The following ATF7IP variants were observed in gnomAD, a reference collection of about 807,000 sequenced individuals.
The protein encoded by ATF7IP is activating transcription factor 7 interacting protein.
ATF7IP carries 23 observed loss-of-function variants against 106.4 expected under a neutral mutation model. The observed-to-expected ratio is 0.22, with a 90% confidence interval of 0.16 to 0.31. The LOEUF (loss-of-function observed/expected upper bound fraction) is 0.31. Among genes scored for constraint, ATF7IP ranks in the 10% least tolerant of loss-of-function variants. ATF7IP has a pLI of 1.00. For synonymous variants in ATF7IP, 542 were observed against 539.0 expected, an observed-to-expected ratio of 1.01 and a Z score of -0.08; for missense variants, 1,334 against 1,524.3, an observed-to-expected ratio of 0.88 and a Z score of 2.08.
In ATF7IP at chr12:14,424,622, C is replaced by G. The variant is rs1941738830; in HGVS notation, c.707C>G (p.Ser236Cys). Residue 236 changes from serine (S) to cysteine (C), a missense_variant, in exon 2 of 15, where the codon TCT becomes TGT. By Grantham distance (112) the Ser-to-Cys change is moderately radical. Transcript: ENST00000261168. ...GATATAGCCTCTAGTGAAATAACTTCTGTTGATCTGGCTTCTGGAGCACCA... is the reference window on the plus strand; with the variant it reads ...GATATAGCCTCTAGTGAAATAACTTGTGTTGATCTGGCTTCTGGAGCACCA... ...ADDIASSEIT[S>C]VDLASGAPAS... 1.2e-6 allele frequency: 2 copies of G among 1,614,180 alleles called. No individual in the cohort carries two copies. The highest frequency in any genetic ancestry group is 1.7e-6 in the Non-Finnish European group (2 of 1,180,024).
At chr12:14,469,362 CAAAAAAAAAAA>C in intron 10 of ATF7IP, among the ~76,000 whole-genome samples, 1 of 88,404 alleles carries the variant, frequency 1.1e-5, no homozygotes, top group Admixed American at 1.3e-4. Flanking sequence ...GAGACTGTCT[CAAAAAAAAAAA>C]AAAAAAAAAA....
chr12:14,490,331 C>T (rs896922531), intron 13 of ATF7IP, among the ~76,000 whole-genome samples: 1 of 152,220 alleles, frequency 6.6e-6, no homozygotes, highest in Admixed American at 6.5e-5. Flanking sequence ...TTTTTGACCA[C>T]TTAAAGAGGT....
chr12:14,410,271 A>G (rs73304268), intron 1 of ATF7IP, among the ~76,000 whole-genome samples: 343 of 152,264 alleles, frequency 2.3e-3, no homozygotes, highest in African/African-American at 7.5e-3. Flanking sequence ...TAAATAATTC[A>G]TAAGTTTTAA....
intron 1 of ATF7IP, among the ~76,000 whole-genome samples, chr12:14,409,091 A>T (rs1344161359): frequency 6.6e-6 from 1 of 152,042 alleles, no homozygotes; most frequent in East Asian, 1.9e-4. Flanking sequence ...TTTCCCTGAG[A>T]TTTGACAGAG....
intron 1 of ATF7IP, among the ~76,000 whole-genome samples, chr12:14,377,193 C>T (rs1938778281): frequency 6.6e-6 from 1 of 151,906 alleles, no homozygotes; most frequent in Non-Finnish European, 1.5e-5. Flanking sequence ...CGGGGTTTCA[C>T]CATGTTGGCC....
At chr12:14,468,818 A>G (rs1943931871) in intron 10 of ATF7IP, among the ~76,000 whole-genome samples, 1 of 152,200 alleles carries the variant, frequency 6.6e-6, no homozygotes, top group South Asian at 2.1e-4. Context: ...TATGCTTGTC[A>G]GCCAGAATTT....
intron 11 of ATF7IP, among the ~76,000 whole-genome samples, chr12:14,477,946 A>G (rs950127976): frequency 1.3e-5 from 2 of 152,248 alleles, no homozygotes; most frequent in Non-Finnish European, 1.5e-5. Flanking sequence ...TCAAGATCAC[A>G]GTGAAAACTC....
chr12:14,399,560 A>AT (rs1221504362), intron 1 of ATF7IP, among the ~76,000 whole-genome samples: 1 of 149,476 alleles, frequency 6.7e-6, no homozygotes, highest in African/African-American at 2.5e-5. Context: ...AAACTTGTAT[A>AT]TTTTTTCAGC....
In ATF7IP at chr12:14,436,121, G is replaced by A. The variant is rs779331911; in HGVS notation, c.1661G>A (p.Arg554Gln). The change falls in exon 4 of 15, where the codon CGA becomes CAA. Residue 554 changes from arginine (R) to glutamine (Q), a missense_variant. Physicochemically the swap from Arg to Gln is conservative, Grantham distance 43. Transcript: ENST00000261168. ...TCCTTCTCAGATGAATTTTCTAGAC[G>A]AAAACGTTCTAAATCAGAAGACATG... is the stretch of plus-strand genomic sequence containing the variant. ...RPSEKNEFSR[R>Q]KRSKSEDMDN... 3.7e-6 allele frequency: 6 copies of A among 1,612,384 alleles called. No homozygotes were observed. The highest frequency in any genetic ancestry group is 2.2e-5 in the South Asian group (2 of 90,836).
intron 13 of ATF7IP, among the ~76,000 whole-genome samples, chr12:14,486,854 A>G (rs909243961): frequency 3.9e-5 from 6 of 152,102 alleles, no homozygotes; most frequent in Middle Eastern, 3.4e-3. Flanking sequence ...TCTGACATAC[A>G]GAGACGAGCA....
intron 5 of ATF7IP, among the ~76,000 whole-genome samples, chr12:14,441,781 G>A (rs193232965): frequency 2.0e-4 from 30 of 152,008 alleles, no homozygotes; most frequent in Non-Finnish European, 3.4e-4. Flanking sequence ...GAGCCACCGC[G>A]CCCTGCCCAG....
chr12:14,413,073 T>A (rs2136506361), intron 1 of ATF7IP, among the ~76,000 whole-genome samples: 1 of 152,314 alleles, frequency 6.6e-6, no homozygotes, highest in South Asian at 2.1e-4. Flanking sequence ...TTCTCCTGGC[T>A]AGAACTTCTA....
intron 1 of ATF7IP, among the ~76,000 whole-genome samples, chr12:14,391,152 A>G (rs1198041525): frequency 6.6e-6 from 1 of 152,174 alleles, no homozygotes; most frequent in African/African-American, 2.4e-5. Context: ...AACTCTCACA[A>G]AGAGTTCTCT....
chr12:14,370,802 AAGT>A (rs930175278), intron 1 of ATF7IP, among the ~76,000 whole-genome samples: 3 of 152,110 alleles, frequency 2.0e-5, no homozygotes, highest in Admixed American at 2.0e-4. Context: ...GATGACATAA[AAGT>A]AGTATCAGTA....
chr12:14,368,546 C>T (rs2136388191), intron 1 of ATF7IP, among the ~76,000 whole-genome samples: 1 of 152,132 alleles, frequency 6.6e-6, no homozygotes, highest in East Asian at 1.9e-4. Flanking sequence ...TTGTACTATA[C>T]CTCAGAATAT....
At chr12:14,487,485 C>T (rs1944661354) in intron 13 of ATF7IP, among the ~76,000 whole-genome samples, 1 of 152,170 alleles carries the variant, frequency 6.6e-6, no homozygotes, top group African/African-American at 2.4e-5. Context: ...ACTGTTGCCT[C>T]ACATATCACA....
chr12:14,431,746 A>G (rs1942152837), intron 2 of ATF7IP, among the ~76,000 whole-genome samples: 1 of 152,110 alleles, frequency 6.6e-6, no homozygotes, highest in Admixed American at 6.6e-5. Flanking sequence ...GAGTCCCAGG[A>G]ACTACCTGAA....
chr12:14,431,784 A>G (rs572660620), intron 2 of ATF7IP, among the ~76,000 whole-genome samples: 1 of 152,170 alleles, frequency 6.6e-6, no homozygotes, highest in Non-Finnish European at 1.5e-5. Context: ...CTGTGTACCA[A>G]GGGCCTTTGA....
At chr12:14,373,155 C>T (rs540593124) in intron 1 of ATF7IP, among the ~76,000 whole-genome samples, 5 of 152,114 alleles carry the variant, frequency 3.3e-5, no homozygotes, top group Non-Finnish European at 7.4e-5. Flanking sequence ...GATAGAATGT[C>T]ATAGGAAAAA....
Sources: allele counts gnomAD v4.1 joint callset (sites outside exome capture counted in the v4.1 genomes callset), GRCh38; gene constraint gnomAD v4.1.1; transcripts MANE v1.5; gene names NCBI Gene and HGNC (gene_info 2026-07-23, HGNC 2026-07-21).